PCDHGB2: variants seen among roughly 807,000 people sequenced by gnomAD.
The protein encoded by PCDHGB2 is protocadherin gamma subfamily B, 2.
A neutral mutation model predicts 59.3 loss-of-function variants in PCDHGB2; 55 were observed. The observed-to-expected ratio is 0.93, with a 90% CI of 0.75 to 1.16. PCDHGB2 has a LOEUF of 1.16. Ranked by LOEUF, PCDHGB2 falls within the 50% of genes most tolerant of loss-of-function variation. The probability of loss-of-function intolerance (pLI) is 0.00; values close to 1 mark genes in which losing one functional copy is unlikely to be tolerated. For synonymous variants in PCDHGB2, 516 were observed against 512.0 expected (o/e 1.01, Z -0.11); for missense variants, 1,228 against 1,198.5 (o/e 1.02, Z -0.36).
chr5:141,463,142 C>T (rs1229364880), intron 1 of PCDHGB2, among the ~76,000 whole-genome samples: 1 of 152,160 alleles, frequency 6.6e-6, no homozygotes, highest in Non-Finnish European at 1.5e-5. Context: ...CTTCGCCCAG[C>T]TGCAGAAAAG....
intron 1 of PCDHGB2, among the ~76,000 whole-genome samples, chr5:141,448,430 T>C (rs1468604001): frequency 6.6e-6 from 1 of 152,186 alleles, no homozygotes; most frequent in African/African-American, 2.4e-5. Flanking sequence ...TATGTATATA[T>C]TGAGAAGTCT....
chr5:141,374,491 A>G (rs749520440), intron 1 of PCDHGB2: 1 of 1,611,464 alleles, frequency 6.2e-7, no homozygotes, highest in Non-Finnish European at 8.5e-7. Context: ...TCTTAAAGGA[A>G]GAATTGGAAG....
At chr5:141,415,863 GTGT>G in intron 1 of PCDHGB2, 1 of 1,107,154 alleles carries the variant, frequency 9.0e-7, no homozygotes, top group Non-Finnish European at 1.2e-6. Flanking sequence ...GTAGTTTATA[GTGT>G]TGTTGAGTAC....
At chr5:141,390,164 G>C in intron 1 of PCDHGB2, 1 of 1,614,006 alleles carries the variant, frequency 6.2e-7, no homozygotes, top group Non-Finnish European at 8.5e-7. Context: ...CAGGAAAGAC[G>C]GAGTTTAATT....
intron 1 of PCDHGB2, chr5:141,393,251 G>A: frequency 6.2e-7 from 1 of 1,613,814 alleles, no homozygotes; most frequent in Non-Finnish European, 8.5e-7. Context: ...ACGAAATCGC[G>A]GTTCCTGGAG....
chr5:141,481,913 CAA>C (rs34114744), intron 1 of PCDHGB2, among the ~76,000 whole-genome samples: 12,059 of 90,730 alleles, frequency 0.13, 576 homozygotes, highest in African/African-American at 0.21. Flanking sequence ...AACTCCATCT[CAA>C]AAAAAAAAAA....
intron 1 of PCDHGB2, chr5:141,416,401 T>C (rs2096020867): frequency 6.6e-6 from 1 of 152,204 alleles, no homozygotes; most frequent in African/African-American, 2.4e-5. Context: ...TGCTTTTGTC[T>C]TTTTTGTTAA....
At chr5:141,389,944 A>T in intron 1 of PCDHGB2, 1 of 1,613,974 alleles carries the variant, frequency 6.2e-7, no homozygotes, top group East Asian at 2.2e-5. Context: ...GCTGAGCTGC[A>T]GTTTTACCTA....
chr5:141,478,726 G>A, intron 1 of PCDHGB2: 2 of 1,540,996 alleles, frequency 1.3e-6, no homozygotes, highest in Non-Finnish European at 1.8e-6. Context: ...GCCTGCCAGA[G>A]TGTGGTTTGT....
At chr5:141,457,940 T>G (rs541807221) in intron 1 of PCDHGB2, among the ~76,000 whole-genome samples, 2 of 152,356 alleles carry the variant, frequency 1.3e-5, no homozygotes, top group East Asian at 3.9e-4. Flanking sequence ...TTTTATTGGC[T>G]CTGCATGTCA....
At chr5:141,404,248 G>C (rs1404333144) in intron 1 of PCDHGB2, 10 of 1,613,694 alleles carry the variant, frequency 6.2e-6, no homozygotes, top group South Asian at 1.1e-5. Context: ...CTCCGCCCCT[G>C]TCCACAGAAA....
intron 1 of PCDHGB2, chr5:141,384,514 G>A: frequency 1.2e-6 from 2 of 1,614,194 alleles, no homozygotes; most frequent in Non-Finnish European, 1.7e-6. Flanking sequence ...TGACAGCGGG[G>A]ACCCGCCTCT....
At chr5:141,380,893 A>G (rs1776824840) in intron 1 of PCDHGB2, among the ~76,000 whole-genome samples, 2 of 152,246 alleles carry the variant, frequency 1.3e-5, no homozygotes, top group East Asian at 3.8e-4. Flanking sequence ...TTTGTTTGAA[A>G]ATATCTACAA....
chr5:141,410,524 T>A, intron 1 of PCDHGB2: 1 of 1,613,954 alleles, frequency 6.2e-7, no homozygotes. Context: ...TGCCCCTACA[T>A]TCCAATGAAG....
intron 1 of PCDHGB2, chr5:141,389,559 C>T (rs1388057704): frequency 1.2e-6 from 2 of 1,613,274 alleles, no homozygotes; most frequent in East Asian, 2.2e-5. Flanking sequence ...CAATGCGCCA[C>T]GGGTGCTGTA....
At chr5:141,472,980 C>CAAAAAAA (rs60579131) in intron 1 of PCDHGB2, among the ~76,000 whole-genome samples, 1 of 86,102 alleles carries the variant, frequency 1.2e-5, no homozygotes, top group South Asian at 4.3e-4. Flanking sequence ...GAGTGAAACT[C>CAAAAAAA]AAAAAAAAAA....
intron 1 of PCDHGB2, chr5:141,376,306 G>A (rs1772539310): frequency 6.2e-7 from 1 of 1,614,202 alleles, no homozygotes; most frequent in East Asian, 2.2e-5. Flanking sequence ...CGCACTTTGT[G>A]GGCGTGGAAG....
At chr5:141,401,322 A>G (rs2094140521) in intron 1 of PCDHGB2, among the ~76,000 whole-genome samples, 1 of 152,218 alleles carries the variant, frequency 6.6e-6, no homozygotes, top group African/African-American at 2.4e-5. Flanking sequence ...AGCCTGGGCA[A>G]CAAGAGCAAA....
chr5:141,494,680 C>G (rs552351026), intron 1 of PCDHGB2, 127 bp from the exon 2 acceptor site: 2 of 1,560,096 alleles, frequency 1.3e-6, no homozygotes, highest in East Asian at 4.6e-5. Context: ...CCACCCCTGC[C>G]CCCTCTTAGT....
Sources: gnomAD v4.1 joint callset for allele counts (sites outside exome capture counted in the v4.1 genomes callset) on GRCh38, gnomAD v4.1.1 for gene constraint, MANE v1.5 for transcripts, NCBI Gene and HGNC (gene_info 2026-07-23, HGNC 2026-07-21) for gene names.